KALRN: variants seen among roughly 807,000 people sequenced by gnomAD.
KALRN encodes kalirin.
A neutral mutation model predicts 353.7 loss-of-function variants in KALRN; 70 were observed. The observed-to-expected ratio is 0.20, with a 90% CI of 0.16 to 0.24. The LOEUF is 0.24. Ranked by LOEUF, KALRN falls within the 10% of genes least tolerant of loss-of-function variation. KALRN has a pLI of 1.00. For synonymous variants in KALRN, 1,391 were observed against 1,434.8 expected, an observed-to-expected ratio of 0.97 and a Z score of 0.69; for missense variants, 2,791 against 3,756.7, an observed-to-expected ratio of 0.74 and a Z score of 6.72.
intron 10 of KALRN, among the ~76,000 whole-genome samples, chr3:124,354,904 A>T (rs1319384395): frequency 1.3e-5 from 2 of 152,202 alleles, no homozygotes; most frequent in Non-Finnish European, 2.9e-5. Flanking sequence ...CAAAATGAAG[A>T]TAAGAGGAAC....
intron 5 of KALRN, among the ~76,000 whole-genome samples, chr3:124,287,588 C>G (rs1477983942): frequency 6.6e-6 from 1 of 151,134 alleles, no homozygotes; most frequent in Non-Finnish European, 1.5e-5. Context: ...ATTGGTCTAT[C>G]TTGGTTATTG....
chr3:124,457,999 C>T (rs547868918), intron 23 of KALRN, among the ~76,000 whole-genome samples: 5 of 152,158 alleles, frequency 3.3e-5, no homozygotes, highest in South Asian at 2.1e-4. Context: ...CTGCTGGCCG[C>T]GTGTGGTGGC....
intron 34 of KALRN, among the ~76,000 whole-genome samples, chr3:124,573,417 G>C (rs2073761842): frequency 1.3e-5 from 2 of 152,152 alleles, no homozygotes; most frequent in African/African-American, 2.4e-5. Flanking sequence ...ACTTCTATAG[G>C]GCTGAGTACA....
chr3:124,649,182 A>G (rs2083096728), intron 37 of KALRN, among the ~76,000 whole-genome samples: 2 of 152,178 alleles, frequency 1.3e-5, no homozygotes, highest in Non-Finnish European at 2.9e-5. Flanking sequence ...AAATCTTCAT[A>G]TTCTCCATCT....
intron 1 of KALRN, among the ~76,000 whole-genome samples, chr3:124,040,402 C>A (rs1019834109): frequency 1.3e-5 from 2 of 152,126 alleles, no homozygotes; most frequent in Non-Finnish European, 2.9e-5. Context: ...CCCCTCCCAC[C>A]CCCCATCATA....
intron 1 of KALRN, among the ~76,000 whole-genome samples, chr3:124,109,034 C>T (rs2062588375): frequency 6.6e-6 from 1 of 152,158 alleles, no homozygotes; most frequent in Non-Finnish European, 1.5e-5. Context: ...TTCTCCTTCT[C>T]CTGCTTCTCT....
rs747879072 is a variant in KALRN at position 124,398,856 on chromosome 3, G to A, written c.2331G>A (p.Glu777=). ...TCTTCCTGCAACTGCGCATCTTTGA[G>A]CAGTACACCATCGAGGTAGCAGGGG... ...LDIFLQLRIF[E]QYTIEVTAEL... The change falls in exon 13 of 60, where the codon GAG becomes GAA. Residue 777 remains glutamate, a synonymous_variant. Transcript: ENST00000682506. 6.2e-7 allele frequency: 1 copy of A among 1,612,434 alleles called. No homozygotes were observed. Among genetic ancestry groups the A allele is most frequent in the African/African-American group, 1.3e-5 (1 of 75,044 alleles).
intron 1 of KALRN, among the ~76,000 whole-genome samples, chr3:124,221,192 A>G (rs560755744): frequency 3.0e-4 from 45 of 152,270 alleles, no homozygotes; most frequent in African/African-American, 1.1e-3. Flanking sequence ...TCCATGACGT[A>G]CAGTTTGTTT....
chr3:124,706,468 G>A (rs1182510421), intron 57 of KALRN, among the ~76,000 whole-genome samples: 1 of 152,232 alleles, frequency 6.6e-6, no homozygotes, highest in Non-Finnish European at 1.5e-5. Flanking sequence ...GATACTGATT[G>A]TGGAGCTTTC....
At chr3:124,313,642 CACTCTG>C (rs1260849985) in intron 6 of KALRN, among the ~76,000 whole-genome samples, 1 of 152,218 alleles carries the variant, frequency 6.6e-6, no homozygotes, top group Non-Finnish European at 1.5e-5. Flanking sequence ...AGCAGTCCTG[CACTCTG>C]ACTGCCCGCT....
chr3:124,687,298 A>C (rs2061607671), intron 51 of KALRN, among the ~76,000 whole-genome samples: 1 of 152,094 alleles, frequency 6.6e-6, no homozygotes, highest in African/African-American at 2.4e-5. Context: ...TATAAAGAAG[A>C]AGCTGTAACT....
At chr3:124,551,312 G>A (rs1053730409) in intron 33 of KALRN, among the ~76,000 whole-genome samples, 1 of 152,238 alleles carries the variant, frequency 6.6e-6, no homozygotes, top group Admixed American at 6.5e-5. Flanking sequence ...TTACACTGAA[G>A]AAGGTAAGGT....
chr3:124,367,504 C>CG (rs1320819081), intron 10 of KALRN, among the ~76,000 whole-genome samples: 4 of 78,950 alleles, frequency 5.1e-5, no homozygotes, highest in African/African-American at 2.1e-4. Flanking sequence ...GCTGGCCGGG[C>CG]GGGGGGGCTG....
intron 33 of KALRN, among the ~76,000 whole-genome samples, chr3:124,557,184 G>A (rs1322729416): frequency 5.9e-5 from 9 of 152,294 alleles, no homozygotes; most frequent in African/African-American, 1.4e-4. Context: ...CACCTAGATA[G>A]TGAGCATAGT....
intron 11 of KALRN, among the ~76,000 whole-genome samples, chr3:124,388,860 C>T (rs1323534939): frequency 1.3e-5 from 2 of 152,170 alleles, no homozygotes; most frequent in Non-Finnish European, 1.5e-5. Context: ...AGACTCATCA[C>T]CTCTTAAACA....
chr3:124,197,700 A>T (rs2075576273), intron 1 of KALRN, among the ~76,000 whole-genome samples: 1 of 152,224 alleles, frequency 6.6e-6, no homozygotes, highest in Non-Finnish European at 1.5e-5. Context: ...CGTGACAGGC[A>T]GGGCTTGTCC....
chr3:124,280,272 A>G (rs1326918412), intron 5 of KALRN, among the ~76,000 whole-genome samples: 2 of 152,068 alleles, frequency 1.3e-5, no homozygotes, highest in Non-Finnish European at 2.9e-5. Context: ...AGCCTGTTCC[A>G]CTGTTCTGTA....
intron 33 of KALRN, among the ~76,000 whole-genome samples, chr3:124,515,374 T>C (rs980502751): frequency 1.1e-4 from 16 of 152,184 alleles, no homozygotes; most frequent in African/African-American, 3.9e-4. Flanking sequence ...CACTGTCCTA[T>C]AAAGTGGGTC....
Position 124,650,808 on chromosome 3 carries a change from A to C in KALRN, c.5665A>C (p.Ser1889Arg), listed in dbSNP as rs1453800220. ...AIEKLVKNKLSLEGSSYRGSL... is the reference protein window; with the variant it reads ...AIEKLVKNKLRLEGSSYRGSL... Reference sequence around the variant, plus strand: ...TAAGCCTGTTTTTCTCTCTTTTCAGAGTCTAGAAGGAAGCTCATACCGGGG... The same window carrying C: ...TAAGCCTGTTTTTCTCTCTTTTCAGCGTCTAGAAGGAAGCTCATACCGGGG... The change falls in exon 38 of 60, where the codon AGT becomes CGT. Residue 1889 changes from serine to arginine, a missense_variant and splice_region_variant. Physicochemically the swap from Ser to Arg is moderately radical, Grantham distance 110 (BLOSUM62 -1). Transcript: ENST00000682506. 1 of 1,612,872 alleles carries C rather than the reference A, an allele frequency of 6.2e-7. No homozygotes were observed. Among genetic ancestry groups the C allele is most frequent in the Admixed American group, 1.7e-5 (1 of 59,910 alleles).
Sources: gnomAD v4.1 joint callset for allele counts (sites outside exome capture counted in the v4.1 genomes callset) on GRCh38, gnomAD v4.1.1 for gene constraint, MANE v1.5 for transcripts, NCBI Gene and HGNC (gene_info 2026-07-23, HGNC 2026-07-21) for gene names.